Variants in SLC6A11 observed in about 807,000 individuals in gnomAD.
The protein encoded by SLC6A11 is solute carrier family 6 member 11.
In SLC6A11, 25 loss-of-function variants were observed where a neutral mutation model predicts 74.8. That is an observed-to-expected ratio of 0.33 (90% confidence interval 0.24 to 0.47). SLC6A11 has a LOEUF of 0.47. Among genes scored for constraint, SLC6A11 ranks in the 20% least tolerant of loss-of-function variants. The pLI, the probability that SLC6A11 is intolerant of heterozygous loss-of-function variation, is 1.00. For missense variants in SLC6A11, 574 were observed against 837.0 expected (o/e 0.69, Z 3.88); for synonymous variants, 330 against 330.2 (o/e 1.00, Z 0.01).
In SLC6A11 at chr3:10,918,078, C is replaced by T. The variant is rs1163533316; in HGVS notation, c.996-251C>T. ...ATTTTCCCATATGCCAGCCTCCCTT[C>T]CCATGCTGGCTCTATGCTTCTGATT... On this transcript the variant is annotated intron_variant, in intron 7 of 13. Coordinates refer to ENST00000254488, the MANE Select transcript of SLC6A11 (RefSeq NM_014229.3). The surrounding 1 kb of genome is among the most constrained non-coding windows in gnomAD (Gnocchi z 4.5). Among the ~76,000 whole-genome samples the T allele has an allele frequency of 6.6e-6, 1 of 152,154 alleles. No individual in the cohort carries two copies. Among genetic ancestry groups the T allele is most frequent in the Non-Finnish European group, 1.5e-5 (1 of 68,006 alleles).
chr3:10,829,424 G>A (rs1694262643), intron 4 of SLC6A11, among the ~76,000 whole-genome samples: 1 of 152,194 alleles, frequency 6.6e-6, no homozygotes, highest in Non-Finnish European at 1.5e-5. Flanking sequence ...TAGCCTTCAT[G>A]CCTCCTGATT....
chr3:10,854,580 C>T (rs923474474), intron 5 of SLC6A11, among the ~76,000 whole-genome samples: 3 of 152,182 alleles, frequency 2.0e-5, no homozygotes, highest in Non-Finnish European at 4.4e-5. Context: ...TTAATTTTCC[C>T]AGCAGCCTTC....
Position 10,816,337 on chromosome 3 carries a change from G to C in SLC6A11, c.72G>C (p.Pro24=), listed in dbSNP as rs1694055729. 2 of 1,418,262 alleles carry C rather than the reference G, an allele frequency of 1.4e-6. No individual in the cohort carries two copies. Among genetic ancestry groups the C allele is most frequent in the East Asian group, 6.1e-5 (2 of 33,030 alleles). The allele number at this position is 1,418,262 out of a possible 1,614,324, so 87.9% of individuals were successfully genotyped here. Residue 24 remains proline (P), a synonymous_variant, in exon 1 of 14, where the codon CCG becomes CCC. Transcript: ENST00000254488. This position sits in a 1 kb window ranked among gnomAD's most constrained non-coding sequence, Gnocchi z 4.2. ...AGGAGGCGCGGGAGTCCGAGGCGCC[G>C]GGTGGCGGCTGCAGCAGCGGGGGCG... is the stretch of plus-strand genomic sequence containing the variant. ...AAEEARESEA[P]GGGCSSGGAA... is the part of the protein sequence containing the mutation.
intron 5 of SLC6A11, among the ~76,000 whole-genome samples, chr3:10,861,383 G>GC (rs1694701365): frequency 6.6e-6 from 1 of 151,908 alleles, no homozygotes; most frequent in African/African-American, 2.4e-5. Context: ...TGGGCATGGT[G>GC]GTGGACACCT....
At chr3:10,840,171 T>G (rs1221453828) in intron 4 of SLC6A11, among the ~76,000 whole-genome samples, 3 of 152,152 alleles carry the variant, frequency 2.0e-5, no homozygotes, top group African/African-American at 7.2e-5. Context: ...GTCTAGCCCC[T>G]GCTCCCCATG....
intron 5 of SLC6A11, among the ~76,000 whole-genome samples, chr3:10,849,743 A>G (rs1314979983): frequency 7.1e-6 from 1 of 141,766 alleles, no homozygotes; most frequent in Non-Finnish European, 1.5e-5. Flanking sequence ...GTACAGCAAT[A>G]TTAGGGTTTT....
chr3:10,912,677 G>C (rs1376313801), intron 7 of SLC6A11, among the ~76,000 whole-genome samples: 1 of 152,258 alleles, frequency 6.6e-6, no homozygotes, highest in Non-Finnish European at 1.5e-5. Context: ...GGCTGCACCA[G>C]GGCTGGGAGG....
chr3:10,839,969 C>T (rs1385036090), intron 4 of SLC6A11, among the ~76,000 whole-genome samples: 1 of 152,146 alleles, frequency 6.6e-6, no homozygotes, highest in Non-Finnish European at 1.5e-5. Context: ...CATTCCTCTC[C>T]AGGACTATTG....
Position 10,899,315 on chromosome 3 carries a change from A to G in SLC6A11, c.892-12775A>G, listed in dbSNP as rs3821766. ...TCCACTGTTGACTGTGCCTGTTCCC[A>G]CTCCCCAGCCACCACAGATATCCCC... On this transcript the variant is annotated intron_variant, in intron 6 of 13. Transcript: ENST00000254488. 9.6e-3 allele frequency among the ~76,000 whole-genome samples: 1,461 copies of G among 152,014 alleles called. 82 individuals are homozygous for G. The East Asian group carries it at 0.11, about 12-fold the overall frequency.
chr3:10,912,267 G>A, intron 7 of SLC6A11, 74 bp downstream of exon 7: 2 of 1,021,828 alleles, frequency 2.0e-6, no homozygotes, highest in Non-Finnish European at 1.6e-6. Flanking sequence ...GCTAGTTTAT[G>A]TTTGTCTGCC....
chr3:10,853,987 A>T (rs1284103149), intron 5 of SLC6A11, among the ~76,000 whole-genome samples: 1 of 152,224 alleles, frequency 6.6e-6, no homozygotes, highest in Non-Finnish European at 1.5e-5. Context: ...TTCCTTCTGT[A>T]CGGCTTTCAT....
At chr3:10,934,243 C>G in intron 12 of SLC6A11, 77 bp downstream of exon 12, 1 of 1,012,056 alleles carries the variant, frequency 9.9e-7, no homozygotes. Flanking sequence ...CACTCCGTAG[C>G]CCCCACCCTG....
chr3:10,899,757 TC>T (rs2106619688), intron 6 of SLC6A11, among the ~76,000 whole-genome samples: 2 of 152,350 alleles, frequency 1.3e-5, no homozygotes, highest in South Asian at 4.1e-4. Flanking sequence ...TTTTCCTCCT[TC>T]CTTTCTGTGT....
rs990582316 is a variant in SLC6A11, at chr3:10,835,110, C to A, written c.624-9104C>A. ...ATCCGCGACACACAGTGGCTTCTTG[C>A]AATCCTTAATGCAGACCACCTCGGA... On this transcript the variant is annotated intron_variant, in intron 4 of 13. Coordinates refer to ENST00000254488, the MANE Select transcript of SLC6A11 (RefSeq NM_014229.3). Among the ~76,000 whole-genome samples the A allele has an allele frequency of 3.3e-5, 5 of 152,224 alleles. No individual in the cohort carries two copies. The South Asian group carries it at 1.0e-3, about 32-fold the overall frequency.
At chr3:10,847,851 A>C (rs1479815164) in intron 5 of SLC6A11, among the ~76,000 whole-genome samples, 1 of 152,196 alleles carries the variant, frequency 6.6e-6, no homozygotes, top group Non-Finnish European at 1.5e-5. Context: ...GCAAAAAATA[A>C]AACATCAGGT....
Position 10,915,804 on chromosome 3 carries a change from T to C in SLC6A11, c.996-2525T>C, listed in dbSNP as rs2106627603. Among the ~76,000 whole-genome samples the C allele has an allele frequency of 6.6e-6, 1 of 152,366 alleles. No individual in the cohort carries two copies. Among genetic ancestry groups the C allele is most frequent in the Admixed American group, 6.5e-5 (1 of 15,306 alleles). The stretch of plus-strand genomic sequence containing the variant: ...GTGAGGAAGTCACTCAACAGACCTG[T>C]GCAGGAAGATGGGAATTTTTTAACA... On this transcript the variant is annotated intron_variant, in intron 7 of 13. Coordinates refer to ENST00000254488, the MANE Select transcript of SLC6A11 (RefSeq NM_014229.3). This position sits in a 1 kb window ranked among gnomAD's most constrained non-coding sequence, Gnocchi z 4.3.
At chr3:10,904,726 G>A (rs1447092988) in intron 6 of SLC6A11, among the ~76,000 whole-genome samples, 1 of 152,140 alleles carries the variant, frequency 6.6e-6, no homozygotes, top group Non-Finnish European at 1.5e-5. Context: ...CTGCAGAGCT[G>A]TTTAAATCCC....
chr3:10,911,267 G>A (rs1230570836), intron 6 of SLC6A11, among the ~76,000 whole-genome samples: 1 of 152,228 alleles, frequency 6.6e-6, no homozygotes, highest in Non-Finnish European at 1.5e-5. Flanking sequence ...CTAAGCATGA[G>A]TCTCATCAGC....
At position 10,816,360 on chromosome 3, in the gene SLC6A11, GC is replaced by G; in HGVS notation, c.96del (p.Ala33ArgfsTer29). On this transcript the variant is annotated frameshift_variant, in exon 1 of 14. Coordinates refer to ENST00000254488, the MANE Select transcript of SLC6A11 (RefSeq NM_014229.3). LOFTEE classifies it high-confidence loss of function. The surrounding 1 kb of genome is among the most constrained non-coding windows in gnomAD (Gnocchi z 4.2). ...EAPGGGCSSG[G>X]AAPARHPRVK... is the part of the protein sequence containing the mutation. ...CCGGGTGGCGGCTGCAGCAGCGGGGGCGCGGCGCCCGCGCGCCACCCGCGCG... is the reference window on the plus strand; with the variant it reads ...CCGGGTGGCGGCTGCAGCAGCGGGGGGCGGCGCCCGCGCGCCACCCGCGCG... 1 of 1,462,606 alleles carries G rather than the reference GC, an allele frequency of 6.8e-7. No homozygotes were observed. The allele number at this position is 1,462,606 out of a possible 1,614,324, so 90.6% of individuals were successfully genotyped here.
Sources: allele counts gnomAD v4.1 joint callset (sites outside exome capture counted in the v4.1 genomes callset), GRCh38; gene constraint gnomAD v4.1.1; non-coding constraint Gnocchi (gnomAD v3.1); transcripts MANE v1.5; gene names NCBI Gene and HGNC (gene_info 2026-07-23, HGNC 2026-07-21).